The following DUSP16 variants were observed in gnomAD, a reference collection of about 807,000 sequenced individuals.
DUSP16 encodes dual specificity protein phosphatase 16.
A neutral mutation model predicts 58.3 loss-of-function variants in DUSP16; 21 were observed. The ratio of observed to expected loss-of-function variants is 0.36; its 90% CI spans 0.26 to 0.52. The LOEUF (loss-of-function observed/expected upper bound fraction) is 0.52, where lower values mean the gene tolerates loss of function less well. Ranked by LOEUF, DUSP16 falls within the 20% of genes least tolerant of loss-of-function variation. DUSP16 has a pLI of 0.94. For missense variants in DUSP16, 726 were observed against 819.0 expected, an observed-to-expected ratio of 0.89 and a Z score of 1.39; for synonymous variants, 320 against 323.8, an observed-to-expected ratio of 0.99 and a Z score of 0.12.
At chr12:12,521,954 A>G (rs1944243307) in intron 1 of DUSP16, among the ~76,000 whole-genome samples, 1 of 151,606 alleles carries the variant, frequency 6.6e-6, no homozygotes, top group African/African-American at 2.4e-5. Context: ...GTAGGTGTAT[A>G]TGTGTGTATG....
chr12:12,550,648 A>G (rs4579996), intron 1 of DUSP16, among the ~76,000 whole-genome samples: 89,932 of 152,018 alleles, frequency 0.59, 26,840 homozygotes, highest in East Asian at 0.67. Flanking sequence ...CTCATAAGTG[A>G]GAGTTGAACA....
At position 12,500,427 on chromosome 12, in the gene DUSP16, TG is replaced by T. The variant is rs1398837268; in HGVS notation, c.531+91del. ...AGAATGGCATAGCAGCTCCTGAGAT[TG>T]GGGTGTGTTTCAAATGACATAATGG... On this transcript the variant is annotated intron_variant, in intron 4 of 6. Coordinates refer to ENST00000298573, the MANE Select transcript of DUSP16 (RefSeq NM_030640.3). 265 of 1,408,250 alleles carry T rather than the reference TG, an allele frequency of 1.9e-4. 2 individuals are homozygous for T. In the East Asian group the frequency reaches 6.6e-3, roughly 35 times the overall value. The allele number at this position is 1,408,250 out of a possible 1,614,324, so 87.2% of individuals were successfully genotyped here.
At chr12:12,559,197 T>A (rs1412088399) in intron 1 of DUSP16, among the ~76,000 whole-genome samples, 2 of 152,238 alleles carry the variant, frequency 1.3e-5, no homozygotes, top group Middle Eastern at 3.2e-3. Context: ...ATATGTAGCT[T>A]TGGGCAAGAC....
chr12:12,551,972 G>C (rs547681673), intron 1 of DUSP16, among the ~76,000 whole-genome samples: 2 of 152,234 alleles, frequency 1.3e-5, no homozygotes, highest in East Asian at 3.9e-4. Flanking sequence ...GATTACAGGC[G>C]TAAGCCACTG....
intron 1 of DUSP16, among the ~76,000 whole-genome samples, chr12:12,536,856 G>A (rs960121197): frequency 2.6e-5 from 4 of 152,096 alleles, no homozygotes; most frequent in Non-Finnish European, 5.9e-5. Context: ...TGACAAACAT[G>A]GAGAAACCCC....
At chr12:12,497,002 A>T (rs1400426687) in intron 4 of DUSP16, among the ~76,000 whole-genome samples, 2 of 152,204 alleles carry the variant, frequency 1.3e-5, no homozygotes, top group African/African-American at 2.4e-5. Context: ...GCCACAAGCC[A>T]CACATGGCTA....
Position 12,476,076 on chromosome 12 carries a change from GAAAA to G in DUSP16, c.*753_*756del, listed in dbSNP as rs544063289. On this transcript the variant is annotated 3_prime_UTR_variant, in exon 7 of 7. Coordinates refer to ENST00000298573, the MANE Select transcript of DUSP16 (RefSeq NM_030640.3). ...TCCCTTCTCTTCATAAAGCTGAGAAGAAAAAAAAATTATCTCCATCTAGGCCCAC... is the reference window on the plus strand; with the variant it reads ...TCCCTTCTCTTCATAAAGCTGAGAAGAAAAATTATCTCCATCTAGGCCCAC... 96 of 151,896 alleles carry G rather than the reference GAAAA, an allele frequency of 6.3e-4. No homozygotes were observed. The highest frequency in any genetic ancestry group is 2.2e-3 in the African/African-American group (93 of 41,362). The allele number at this position is 151,896 out of a possible 1,614,324, so 9.4% of individuals were successfully genotyped here. A position where few individuals can be genotyped will look rare whatever the true frequency, so the allele number is the denominator to read the frequency against.
In DUSP16 at chr12:12,476,978, G is replaced by A. The variant is rs1382458722; in HGVS notation, c.1853C>T (p.Pro618Leu). Residue 618 changes from proline to leucine, a missense_variant, in exon 7 of 7, where the codon CCC (proline) becomes CTC (leucine). Physicochemically the swap from Pro to Leu is moderately conservative, Grantham distance 98. Transcript: ENST00000298573. Reference sequence around the variant, plus strand: ...TCTGCGTTTAAACTGCTTTTCAAAGGGGCTCTCTTCATGCCAGCTCCGCCG... The same window carrying A: ...TCTGCGTTTAAACTGCTTTTCAAAGAGGCTCTCTTCATGCCAGCTCCGCCG... Reference protein sequence around the residue: ...DSRRSWHEESPFEKQFKRRSC... With the variant: ...DSRRSWHEESLFEKQFKRRSC... The A allele has an allele frequency of 1.2e-6, 2 of 1,614,018 alleles. No homozygotes were observed. The highest frequency in any genetic ancestry group is 2.7e-5 in the African/African-American group (2 of 74,914).
At chr12:12,483,811 C>T (rs1042363279) in intron 5 of DUSP16, among the ~76,000 whole-genome samples, 3 of 151,964 alleles carry the variant, frequency 2.0e-5, no homozygotes, top group African/African-American at 7.3e-5. Flanking sequence ...TCCTTCCAAC[C>T]AACCCGGAGA....
At chr12:12,547,671 G>A (rs957296884) in intron 1 of DUSP16, among the ~76,000 whole-genome samples, 1 of 151,702 alleles carries the variant, frequency 6.6e-6, no homozygotes, top group Admixed American at 6.6e-5. Flanking sequence ...TTAAGCCCAG[G>A]ATTCTGAGGT....
At chr12:12,541,543 T>TA (rs1944560685) in intron 1 of DUSP16, among the ~76,000 whole-genome samples, 1 of 152,226 alleles carries the variant, frequency 6.6e-6, no homozygotes, top group Non-Finnish European at 1.5e-5. Flanking sequence ...TCTCAGGAGT[T>TA]GGTCAATCTA....
intron 3 of DUSP16, among the ~76,000 whole-genome samples, chr12:12,511,455 G>C (rs1435866247): frequency 6.6e-6 from 1 of 152,052 alleles, no homozygotes; most frequent in Non-Finnish European, 1.5e-5. Context: ...ACTCTGGTCT[G>C]CTCACTGCCC....
intron 1 of DUSP16, among the ~76,000 whole-genome samples, chr12:12,537,669 C>T (rs1203391626): frequency 6.6e-6 from 1 of 152,216 alleles, no homozygotes; most frequent in East Asian, 1.9e-4. Flanking sequence ...CAAAGCTCCA[C>T]AGTCTAATTC....
chr12:12,541,199 T>C (rs932648136), intron 1 of DUSP16, among the ~76,000 whole-genome samples: 1 of 152,040 alleles, frequency 6.6e-6, no homozygotes, highest in African/African-American at 2.4e-5. Context: ...ACTCAAGCAA[T>C]TGACTCACCT....
Position 12,477,348 on chromosome 12 carries a change from C to T in DUSP16, c.1483G>A (p.Ala495Thr), listed in dbSNP as rs982372913. 6.2e-6 allele frequency: 10 copies of T among 1,614,066 alleles called. No individual in the cohort carries two copies. The highest frequency in any genetic ancestry group is 4.0e-5 in the African/African-American group (3 of 74,930). ...AGTGGAGATAAAAGGGACCTCTGGG[C>T]GGTGCCACTGCTGCTGGTTCTGACC... The part of the protein sequence containing the change: ...HSVRTSSSGT[A>T]QRSLLSPLHR... Residue 495 changes from alanine (A) to threonine (T), a missense_variant, in exon 7 of 7, where the codon GCC becomes ACC. Physicochemically the swap from Ala to Thr is moderately conservative, Grantham distance 58 (BLOSUM62 0). Transcript: ENST00000298573. The surrounding 1 kb of genome is among the most constrained non-coding windows in gnomAD (Gnocchi z 4.1).
At chr12:12,481,736 T>G (rs1943569120) in intron 5 of DUSP16, among the ~76,000 whole-genome samples, 1 of 151,966 alleles carries the variant, frequency 6.6e-6, no homozygotes. Flanking sequence ...CAAGCAACAC[T>G]CAAACAAAGA....
chr12:12,488,689 C>G (rs1232508225), intron 4 of DUSP16, among the ~76,000 whole-genome samples: 1 of 152,182 alleles, frequency 6.6e-6, no homozygotes, highest in Non-Finnish European at 1.5e-5. Flanking sequence ...AGAAAATGGG[C>G]AATTTTCTTC....
chr12:12,480,418 CT>C, intron 5 of DUSP16, 72 bp from the exon 6 acceptor site: 1 of 1,561,210 alleles, frequency 6.4e-7, no homozygotes, highest in South Asian at 1.2e-5. Context: ...TTTCCATTTA[CT>C]TACTCAGTGT....
At chr12:12,514,740 C>T (rs924340009) in intron 3 of DUSP16, among the ~76,000 whole-genome samples, 10 of 152,144 alleles carry the variant, frequency 6.6e-5, no homozygotes, top group African/African-American at 2.2e-4. Context: ...ACAATCACGG[C>T]TCGCTGCAAC....
Sources: allele counts gnomAD v4.1 joint callset (sites outside exome capture counted in the v4.1 genomes callset), GRCh38; gene constraint gnomAD v4.1.1; non-coding constraint Gnocchi (gnomAD v3.1); transcripts MANE v1.5; gene names NCBI Gene and HGNC (gene_info 2026-07-23, HGNC 2026-07-21).